ZDHHC1: variants seen among roughly 807,000 people sequenced by gnomAD.
ZDHHC1 encodes zDHHC palmitoyltransferase 1, also known as palmitoyltransferase ZDHHC1.
In ZDHHC1, 45 loss-of-function variants were observed where a neutral mutation model predicts 46.9. The ratio of observed to expected loss-of-function variants is 0.96; its 90% CI spans 0.76 to 1.23. The LOEUF (loss-of-function observed/expected upper bound fraction) is 1.23, where lower values mean the gene tolerates loss of function less well. Among genes scored for constraint, ZDHHC1 ranks in the 50% most tolerant of loss-of-function variants. The pLI is 0.00. For missense variants in ZDHHC1, 649 were observed against 670.8 expected, an observed-to-expected ratio of 0.97 and a Z score of 0.36; for synonymous variants, 291 against 286.0, an observed-to-expected ratio of 1.02 and a Z score of -0.18.
At position 67,394,482 on chromosome 16, in the gene ZDHHC1, G is replaced by C; in HGVS notation, c.*128C>G. The stretch of plus-strand genomic sequence containing the variant: ...CCGGTGGGGCGGGTATTGCTGAGTC[G>C]TGGGGGAGGGAGGCCGATCCCGCCG... On this transcript the variant is annotated 3_prime_UTR_variant, in exon 12 of 12. Coordinates refer to ENST00000565726, the MANE Select transcript of ZDHHC1 (RefSeq NM_001323627.2). The C allele has an allele frequency of 1.3e-6, 1 of 789,546 alleles. No individual in the cohort carries two copies. 48.9% of individuals were successfully genotyped at this position (789,546 alleles called of 1,614,324 possible). A position where few individuals can be genotyped will look rare whatever the true frequency, so the allele number is the denominator to read the frequency against.
Position 67,398,328 on chromosome 16 carries a change from G to GT in ZDHHC1, c.815-5dup. 6.2e-7 allele frequency: 1 copy of GT among 1,612,280 alleles called. No homozygotes were observed. Among genetic ancestry groups the GT allele is most frequent in the Non-Finnish European group, 8.5e-7 (1 of 1,179,084 alleles). ...TAGGTGGTGAGCTTGTGCCACACTGGTGGGGGGAGGAGAGGGCTCAGTGCG... is the reference window on the plus strand; with the variant it reads ...TAGGTGGTGAGCTTGTGCCACACTGGTTGGGGGGAGGAGAGGGCTCAGTGCG... On this transcript the variant is annotated splice_polypyrimidine_tract_variant and splice_region_variant and intron_variant, in intron 7 of 11. Transcript: ENST00000565726.
chr16:67,401,036 C>T lies in ZDHHC1; in HGVS notation c.349G>A (p.Gly117Arg). The T allele has an allele frequency of 6.2e-7, 1 of 1,614,150 alleles. No individual in the cohort carries two copies. The highest frequency in any genetic ancestry group is 8.5e-7 in the Non-Finnish European group (1 of 1,180,030). The change falls in exon 4 of 12, where the codon GGG becomes AGG. Residue 117 changes from glycine to arginine, a missense_variant. Coordinates refer to ENST00000565726, the MANE Select transcript of ZDHHC1 (RefSeq NM_001323627.2). This position sits in a 1 kb window ranked among gnomAD's most constrained non-coding sequence, Gnocchi z 4.6. Reference protein sequence around the residue: ...DANVRDKSYAGPLPIFNRSQH... With the variant: ...DANVRDKSYARPLPIFNRSQH... The stretch of plus-strand genomic sequence containing the variant: ...CTTCGGTTGAAGATGGGCAGGGGCC[C>T]CGCATAGCTCTTGTCCCGCACGTTG...
rs1055704643 is a variant in ZDHHC1, at chr16:67,394,763, C to T, written c.1296G>A (p.Ala432=). Residue 432 remains alanine, a synonymous_variant, in exon 12 of 12, where the codon GCG becomes GCA. Coordinates refer to ENST00000565726, the MANE Select transcript of ZDHHC1 (RefSeq NM_001323627.2). ...GAGCGGCGCTGCCCAGGCGCGTCTG[C>T]GCCACTGGAATCTCGTCCACGGACT... ...SAESVDEIPV[A]QTRLGSAALA... is the part of the protein sequence containing the mutation. 1.4e-5 allele frequency: 22 copies of T among 1,525,442 alleles called. No individual in the cohort carries two copies. Among genetic ancestry groups the T allele is most frequent in the East Asian group, 2.5e-5 (1 of 39,852 alleles). The allele number at this position is 1,525,442 out of a possible 1,614,324, so 94.5% of individuals were successfully genotyped here. A position where few individuals can be genotyped will look rare whatever the true frequency, so the allele number is the denominator to read the frequency against.
Position 67,406,269 on chromosome 16 carries a change from G to C in ZDHHC1, c.183C>G (p.Phe61Leu). 3 of 1,612,162 alleles carry C rather than the reference G, an allele frequency of 1.9e-6. No individual in the cohort carries two copies. Among genetic ancestry groups the C allele is most frequent in the Non-Finnish European group, 2.5e-6 (3 of 1,179,362 alleles). Residue 61 changes from phenylalanine to leucine, a missense_variant, in exon 3 of 12, where the codon TTC (phenylalanine) becomes TTG (leucine). Physicochemically the swap from Phe to Leu is conservative, Grantham distance 22. Transcript: ENST00000565726. The surrounding 1 kb of genome is among the most constrained non-coding windows in gnomAD (Gnocchi z 4.1). ...LQIVAWLLYL[F>L]FAVIGFGILV... ...GGATCCCAAAGCCGATCACAGCAAA[G>C]AAGAGGTACAGCAGCCAGGCCACAA...
rs780727202 is a variant in ZDHHC1, at chr16:67,398,211, C to A, written c.927+1G>T. 1.3e-6 allele frequency: 2 copies of A among 1,594,992 alleles called. No individual in the cohort carries two copies. The highest frequency in any genetic ancestry group is 1.7e-6 in the Non-Finnish European group (2 of 1,163,512). On this transcript the variant is annotated splice_donor_variant, in intron 8 of 11. Transcript: ENST00000565726. LOFTEE classifies it high-confidence loss of function. Reference sequence around the variant, plus strand: ...CCCCTCCCACCCTTCATCCTCTATACCTGAATGGGCCGCATCTTGGGAGGA... The same window carrying A: ...CCCCTCCCACCCTTCATCCTCTATAACTGAATGGGCCGCATCTTGGGAGGA...
intron 4 of ZDHHC1, 29 bp downstream of exon 4, chr16:67,400,928 G>A (rs777985125): frequency 5.4e-5 from 87 of 1,607,154 alleles, no homozygotes; most frequent in African/African-American, 8.0e-5. Context: ...CAGCACACTC[G>A]GCAGCCACAA....
chr16:67,413,168 C>T (rs996626703), intron 1 of ZDHHC1, among the ~76,000 whole-genome samples: 1 of 151,886 alleles, frequency 6.6e-6, no homozygotes, highest in Non-Finnish European at 1.5e-5. Context: ...TAACCTCAAA[C>T]TCATGGGTTT....
At chr16:67,395,767 G>A in intron 8 of ZDHHC1, 1 of 597,614 alleles carries the variant, frequency 1.7e-6, no homozygotes, top group East Asian at 2.8e-5. Flanking sequence ...CCCATCCCCA[G>A]GTCCTTACCT....
rs1251217456 is a variant in ZDHHC1, at chr16:67,394,165, C to G, written c.*445G>C. 6.6e-6 allele frequency among the ~76,000 whole-genome samples: 1 copy of G among 152,214 alleles called. No individual in the cohort carries two copies. The highest frequency in any genetic ancestry group is 2.4e-5 in the African/African-American group (1 of 41,452). ...CCCCACGGCCTCGCAGCCTCAGCGCCCACTGCTGCTTTCGGAGCCCAAAGC... is the reference window on the plus strand; with the variant it reads ...CCCCACGGCCTCGCAGCCTCAGCGCGCACTGCTGCTTTCGGAGCCCAAAGC... On this transcript the variant is annotated 3_prime_UTR_variant, in exon 12 of 12. Transcript: ENST00000565726.
At chr16:67,399,849 T>G (rs985859922) in intron 4 of ZDHHC1, among the ~76,000 whole-genome samples, 1 of 152,160 alleles carries the variant, frequency 6.6e-6, no homozygotes, top group Admixed American at 6.5e-5. Flanking sequence ...GGGCCTGCAC[T>G]GCCCTTCCCG....
Position 67,406,618 on chromosome 16 carries a change from G to A in ZDHHC1, c.10-176C>T, listed in dbSNP as rs1478867214. On this transcript the variant is annotated intron_variant, in intron 2 of 11. Transcript: ENST00000565726. The surrounding 1 kb of genome is among the most constrained non-coding windows in gnomAD (Gnocchi z 4.1). ...GGCAGTGGGGAGAGGGTGGGAGTGG[G>A]CTGCTGTCTCAAAGCCCAAAGCAAA... Among the ~76,000 whole-genome samples the A allele has an allele frequency of 6.6e-6, 1 of 152,136 alleles. No individual in the cohort carries two copies. The highest frequency in any genetic ancestry group is 1.5e-5 in the Non-Finnish European group (1 of 68,030).
chr16:67,408,633 C>T (rs1294882454), intron 1 of ZDHHC1, among the ~76,000 whole-genome samples: 2 of 151,670 alleles, frequency 1.3e-5, no homozygotes, highest in South Asian at 2.1e-4. Flanking sequence ...AATACAGCGG[C>T]GTGTTGCCAT....
intron 1 of ZDHHC1, among the ~76,000 whole-genome samples, chr16:67,413,479 T>TC (rs770826882): frequency 4.1e-4 from 63 of 152,122 alleles, no homozygotes; most frequent in Non-Finnish European, 7.4e-4. Flanking sequence ...GCCAGAGAAG[T>TC]CTCTGGCCTT....
At chr16:67,397,750 C>T (rs1048039662) in intron 8 of ZDHHC1, among the ~76,000 whole-genome samples, 3 of 152,214 alleles carry the variant, frequency 2.0e-5, no homozygotes, top group Non-Finnish European at 4.4e-5. Flanking sequence ...TAACTCTTCC[C>T]AGACCCAGCT....
chr16:67,394,689 G>A lies in ZDHHC1; in HGVS notation c.1370C>T (p.Ala457Val), dbSNP rs1216226094. 2.3e-6 allele frequency: 3 copies of A among 1,280,612 alleles called. No homozygotes were observed. The highest frequency in any genetic ancestry group is 2.5e-5 in the South Asian group (1 of 39,508). 79.3% of individuals were successfully genotyped at this position (1,280,612 alleles called of 1,614,324 possible). A position where few individuals can be genotyped will look rare whatever the true frequency, so the allele number is the denominator to read the frequency against. The stretch of plus-strand genomic sequence containing the variant: ...GCTCACGAAAACGGCGGGCGCACGC[G>A]CCTGCCGCGCCAGCGTGGGCTGTCG... Reference protein sequence around the residue: ...RGRQPTLARQARAPAVFVSPS... With the variant: ...RGRQPTLARQVRAPAVFVSPS... The change falls in exon 12 of 12, where the codon GCG becomes GTG. Residue 457 changes from alanine to valine, a missense_variant. Transcript: ENST00000565726.
At chr16:67,402,112 T>C (rs768262355) in intron 3 of ZDHHC1, among the ~76,000 whole-genome samples, 5 of 152,246 alleles carry the variant, frequency 3.3e-5, no homozygotes, top group Non-Finnish European at 7.3e-5. Context: ...TCCGCCCTAA[T>C]GTGCCATAAG....
chr16:67,408,741 C>T lies in ZDHHC1; in HGVS notation c.-38-928G>A, dbSNP rs114924082. On this transcript the variant is annotated intron_variant, in intron 1 of 11. Coordinates refer to ENST00000565726, the MANE Select transcript of ZDHHC1 (RefSeq NM_001323627.2). ...GCTCAAGCGATCTTCCCACTTTATC[C>T]TCCCAAAGCACTGAGATTACATGCA... 7.7e-3 allele frequency among the ~76,000 whole-genome samples: 1,180 copies of T among 152,318 alleles called. 17 individuals carry two copies. The highest frequency in any genetic ancestry group is 0.027 in the African/African-American group (1,126 of 41,568).
Position 67,394,710 on chromosome 16 carries a change from T to G in ZDHHC1, c.1349A>C (p.Gln450Pro). 7.5e-7 allele frequency: 1 copy of G among 1,339,052 alleles called. No individual in the cohort carries two copies. The highest frequency in any genetic ancestry group is 9.5e-7 in the Non-Finnish European group (1 of 1,050,736). 82.9% of individuals were successfully genotyped at this position (1,339,052 alleles called of 1,614,324 possible). Residue 450 changes from glutamine (Q) to proline (P), a missense_variant, in exon 12 of 12, where the codon CAG (glutamine) becomes CCG (proline). Transcript: ENST00000565726. ...ALAAPRGRGR[Q>P]PTLARQARAP... is the part of the protein sequence containing the mutation. ...ACGCGCCTGCCGCGCCAGCGTGGGC[T>G]GTCGGCCCCGGCCCCGCGGGGCGGC...
chr16:67,395,312 C>T, intron 9 of ZDHHC1, 32 bp from the exon 10 acceptor site: 1 of 1,502,308 alleles, frequency 6.7e-7, no homozygotes, highest in Non-Finnish European at 8.9e-7. Flanking sequence ...AAGCCTGGGG[C>T]CTGTTCCCCA....
Sources: gnomAD v4.1 joint callset for allele counts (sites outside exome capture counted in the v4.1 genomes callset) on GRCh38, gnomAD v4.1.1 for gene constraint, Gnocchi (gnomAD v3.1) non-coding constraint, MANE v1.5 for transcripts, NCBI Gene and HGNC (gene_info 2026-07-23, HGNC 2026-07-21) for gene names.